NHSL1: variants seen among roughly 807,000 people sequenced by gnomAD.
NHSL1 encodes the protein NHS-like protein 1.
Under a neutral mutation model 95.0 loss-of-function variants are expected in NHSL1, and 48 were observed. That is an observed-to-expected ratio of 0.51 (90% confidence interval 0.40 to 0.64). NHSL1 has a LOEUF of 0.64. Among genes scored for constraint, NHSL1 ranks in the 30% least tolerant of loss-of-function variants. The pLI, the probability that NHSL1 is intolerant of heterozygous loss-of-function variation, is 0.00. For synonymous variants in NHSL1, 783 were observed against 833.9 expected, an observed-to-expected ratio of 0.94 and a Z score of 1.05; for missense variants, 1,971 against 2,077.7, an observed-to-expected ratio of 0.95 and a Z score of 1.00.
intron 1 of NHSL1, among the ~76,000 whole-genome samples, chr6:138,522,231 CT>C (rs554361983): frequency 7.4e-4 from 113 of 152,110 alleles, no homozygotes; most frequent in Admixed American, 2.7e-3. Context: ...TGGATGGCCC[CT>C]GAAGGACATG....
At chr6:138,514,312 C>T (rs541646101) in intron 1 of NHSL1, among the ~76,000 whole-genome samples, 1 of 136,166 alleles carries the variant, frequency 7.3e-6, no homozygotes, top group South Asian at 2.3e-4. Flanking sequence ...AGCAAGACTC[C>T]ATCTCAAAAC....
chr6:138,528,007 T>C (rs1781982125), intron 1 of NHSL1, among the ~76,000 whole-genome samples: 1 of 152,210 alleles, frequency 6.6e-6, no homozygotes, highest in African/African-American at 2.4e-5. Context: ...TTATGCTTCT[T>C]ACATTCCTCC....
intron 3 of NHSL1, among the ~76,000 whole-genome samples, chr6:138,458,054 C>T (rs1777737625): frequency 6.7e-6 from 1 of 148,738 alleles, no homozygotes; most frequent in Non-Finnish European, 1.5e-5. Flanking sequence ...ATGTTAAGAA[C>T]ATGAACCACG....
chr6:138,692,095 T>C lies in NHSL1; in HGVS notation c.96+381A>G, dbSNP rs1785683280. 1 of 455,812 alleles carries C rather than the reference T, an allele frequency of 2.2e-6. No individual in the cohort carries two copies. The highest frequency in any genetic ancestry group is 4.4e-6 in the Non-Finnish European group (1 of 226,886). 28.2% of individuals were successfully genotyped at this position (455,812 alleles called of 1,614,324 possible). On this transcript the variant is annotated intron_variant, in intron 1 of 3. Coordinates refer to the NHSL1 transcript ENST00000491526. This position sits in a 1 kb window ranked among gnomAD's most constrained non-coding sequence, Gnocchi z 4.0. Reference sequence around the variant, plus strand: ...ATATGCCCAAATTTATATTCTCCCCTGGCTTTTCCAACAGGCTACCTGCCT... The same window carrying C: ...ATATGCCCAAATTTATATTCTCCCCCGGCTTTTCCAACAGGCTACCTGCCT...
intron 2 of NHSL1, among the ~76,000 whole-genome samples, chr6:138,493,276 A>G (rs1469111794): frequency 1.3e-5 from 2 of 152,238 alleles, no homozygotes; most frequent in African/African-American, 4.8e-5. Context: ...AATTTTATTA[A>G]TAGTAAATCC....
At chr6:138,658,357 C>T (rs1046819445) in intron 1 of NHSL1, among the ~76,000 whole-genome samples, 10 of 152,178 alleles carry the variant, frequency 6.6e-5, no homozygotes, top group Admixed American at 4.6e-4. Context: ...TTTCTCCTAC[C>T]TCCCACTCCA....
intron 1 of NHSL1, among the ~76,000 whole-genome samples, chr6:138,613,416 G>A (rs1326295499): frequency 6.6e-6 from 1 of 152,170 alleles, no homozygotes; most frequent in Non-Finnish European, 1.5e-5. Context: ...CCGAGAGTGT[G>A]AGCCAAGTTT....
Position 138,673,471 on chromosome 6 carries a change from C to A in NHSL1, c.96+19005G>T, listed in dbSNP as rs372179077. On this transcript the variant is annotated intron_variant, in intron 1 of 3. Coordinates refer to the NHSL1 transcript ENST00000491526. ...ATTTTTACAGCTACAAAAAAAAAAA[C>A]AAAAAACACACAGTCAAGTTTCATT... Among the ~76,000 whole-genome samples, 1,132 of 142,370 alleles carry A rather than the reference C, an allele frequency of 8.0e-3. 11 individuals are homozygous for A. The highest frequency in any genetic ancestry group is 0.027 in the African/African-American group (1,051 of 39,524). The allele number at this position is 142,370 out of a possible 152,430, so 93.4% of individuals were successfully genotyped here. A position where few individuals can be genotyped will look rare whatever the true frequency, so the allele number is the denominator to read the frequency against.
chr6:138,456,418 T>TATCAAC (rs1777614648), intron 3 of NHSL1, among the ~76,000 whole-genome samples: 1 of 152,192 alleles, frequency 6.6e-6, no homozygotes, highest in African/African-American at 2.4e-5. Flanking sequence ...AAATATTTCT[T>TATCAAC]ATCAACAAAG....
At chr6:138,671,999 T>C (rs1367832369) in intron 1 of NHSL1, among the ~76,000 whole-genome samples, 1 of 152,076 alleles carries the variant, frequency 6.6e-6, no homozygotes, top group African/African-American at 2.4e-5. Flanking sequence ...GAGAGGTCAA[T>C]AGATACCAAT....
chr6:138,486,381 A>G (rs533977600), intron 2 of NHSL1, among the ~76,000 whole-genome samples: 79 of 152,260 alleles, frequency 5.2e-4, no homozygotes, highest in African/African-American at 1.9e-3. Context: ...CTTAATCTAA[A>G]GACTTCCTTG....
At chr6:138,467,829 A>T (rs1360499796) in intron 3 of NHSL1, among the ~76,000 whole-genome samples, 1 of 152,260 alleles carries the variant, frequency 6.6e-6, no homozygotes, top group African/African-American at 2.4e-5. Context: ...TTATTACAAA[A>T]CAGTCAAAAA....
At chr6:138,440,980 T>C (rs1776490006) in intron 5 of NHSL1, among the ~76,000 whole-genome samples, 1 of 152,238 alleles carries the variant, frequency 6.6e-6, no homozygotes, top group South Asian at 2.1e-4. Flanking sequence ...AGACAGGTAG[T>C]ATTAAGTTTC....
rs539829307 is a variant in NHSL1, at chr6:138,538,240, A to C, written c.16+7383T>G. ...AGGGTCTAGATAAAGCAAAAGTGCAAATCTGTAGGAGATGGCTAAGGAAGG... is the reference window on the plus strand; with the variant it reads ...AGGGTCTAGATAAAGCAAAAGTGCACATCTGTAGGAGATGGCTAAGGAAGG... On this transcript the variant is annotated intron_variant, in intron 1 of 4. Transcript: ENST00000342260. 5.4e-4 allele frequency among the ~76,000 whole-genome samples: 82 copies of C among 152,318 alleles called. 1 individual carries two copies. Among genetic ancestry groups the C allele is most frequent in the African/African-American group, 1.9e-3 (78 of 41,564 alleles).
chr6:138,648,530 G>T (rs1489760092), intron 1 of NHSL1, among the ~76,000 whole-genome samples: 2 of 152,104 alleles, frequency 1.3e-5, no homozygotes, highest in Non-Finnish European at 2.9e-5. Context: ...TGTAGTCCTA[G>T]GGCCTCTCTC....
intron 1 of NHSL1, among the ~76,000 whole-genome samples, chr6:138,552,288 G>A (rs779274556): frequency 1.3e-5 from 2 of 152,068 alleles, no homozygotes; most frequent in African/African-American, 2.4e-5. Flanking sequence ...GCATAGTGGT[G>A]CACGCCTCTA....
chr6:138,684,792 A>C (rs1785563292), intron 1 of NHSL1, among the ~76,000 whole-genome samples: 1 of 152,218 alleles, frequency 6.6e-6, no homozygotes, highest in East Asian at 1.9e-4. Flanking sequence ...GCAGACCACA[A>C]ATGAAACCGG....
intron 1 of NHSL1, among the ~76,000 whole-genome samples, chr6:138,497,561 T>C (rs553224754): frequency 6.4e-4 from 98 of 152,320 alleles, no homozygotes; most frequent in African/African-American, 2.2e-3. Flanking sequence ...TTAAATCCAT[T>C]TGAGCACATC....
intron 1 of NHSL1, among the ~76,000 whole-genome samples, chr6:138,676,333 A>G (rs745894191): frequency 7.9e-5 from 12 of 152,192 alleles, no homozygotes; most frequent in Non-Finnish European, 1.6e-4. Flanking sequence ...GAAACCTTAC[A>G]TTATTAAGGT....
Sources: allele counts gnomAD v4.1 joint callset (sites outside exome capture counted in the v4.1 genomes callset), GRCh38; gene constraint gnomAD v4.1.1; non-coding constraint Gnocchi (gnomAD v3.1); transcripts MANE v1.5; gene names NCBI Gene and HGNC (gene_info 2026-07-23, HGNC 2026-07-21).